Variants in MAF observed in about 807,000 individuals in gnomAD.
The protein encoded by MAF is MAF bZIP transcription factor, also known as transcription factor Maf.
A neutral mutation model predicts 22.0 loss-of-function variants in MAF; 10 were observed. The ratio of observed to expected loss-of-function variants is 0.45; its 90% CI spans 0.28 to 0.77. MAF has a LOEUF of 0.77. Ranked by LOEUF, MAF falls within the 30% of genes least tolerant of loss-of-function variation. The pLI, the probability that MAF is intolerant of heterozygous loss-of-function variation, is 0.12. For missense variants in MAF, 544 were observed against 548.4 expected, an observed-to-expected ratio of 0.99 and a Z score of 0.08; for synonymous variants, 337 against 255.8, an observed-to-expected ratio of 1.32 and a Z score of -3.03.
the MAF span, chr16:79,211,793 C>G: frequency 2.5e-6 from 4 of 1,614,042 alleles, no homozygotes; most frequent in Non-Finnish European, 2.5e-6. Context: ...GCCAGTCCGG[C>G]TAAGTGGAGC....
chr16:79,559,775 T>G, the MAF span, among the ~76,000 whole-genome samples: 1 of 152,222 alleles, frequency 6.6e-6, no homozygotes, highest in Non-Finnish European at 1.5e-5. Flanking sequence ...CTCCTCTTGA[T>G]TCTATCAATT....
the MAF span, among the ~76,000 whole-genome samples, chr16:79,411,710 T>C: frequency 2.0e-4 from 31 of 152,350 alleles, no homozygotes; most frequent in African/African-American, 6.3e-4. Flanking sequence ...TGTGCAACTT[T>C]CTAGACACAC....
the MAF span, among the ~76,000 whole-genome samples, chr16:79,266,506 C>G: frequency 6.6e-6 from 1 of 152,124 alleles, no homozygotes; most frequent in East Asian, 1.9e-4. Context: ...AGTTGATAAC[C>G]AAGAAAAAAA....
At chr16:79,448,815 G>C in the MAF span, among the ~76,000 whole-genome samples, 1 of 151,758 alleles carries the variant, frequency 6.6e-6, no homozygotes, top group Non-Finnish European at 1.5e-5. Flanking sequence ...GTATAAACCA[G>C]CATTCCCCAA....
At chr16:79,596,096 A>C in intron 1 of MAF, 1 of 1,062,498 alleles carries the variant, frequency 9.4e-7, no homozygotes, top group Non-Finnish European at 1.1e-6. Context: ...TGCGCAAGCC[A>C]CCTCTGATGC....
chr16:79,588,048 CA>C (rs1912961690), intron 1 of MAF, among the ~76,000 whole-genome samples: 1 of 152,184 alleles, frequency 6.6e-6, no homozygotes, highest in Non-Finnish European at 1.5e-5. Flanking sequence ...TAATCTAAGC[CA>C]CATGTCTACG....
At chr16:79,420,462 T>C in the MAF span, among the ~76,000 whole-genome samples, 1 of 152,102 alleles carries the variant, frequency 6.6e-6, no homozygotes, top group East Asian at 1.9e-4. Context: ...TTTATAAGAG[T>C]ATTTTTATTT....
At chr16:79,249,437 AG>A in the MAF span, among the ~76,000 whole-genome samples, 1 of 140,120 alleles carries the variant, frequency 7.1e-6, no homozygotes, top group Non-Finnish European at 1.6e-5. Context: ...AAAAAAAAAA[AG>A]GAGGTTGAAG....
the MAF span, among the ~76,000 whole-genome samples, chr16:79,455,832 A>G: frequency 6.6e-6 from 1 of 152,154 alleles, no homozygotes; most frequent in African/African-American, 2.4e-5. Context: ...AGCCTGGCCA[A>G]CACGGTGAAA....
the MAF span, among the ~76,000 whole-genome samples, chr16:79,339,571 A>C: frequency 6.6e-6 from 1 of 152,172 alleles, no homozygotes; most frequent in African/African-American, 2.4e-5. Context: ...AAGCCGCTAA[A>C]ATTTTGAGGT....
At chr16:79,405,719 G>C in the MAF span, among the ~76,000 whole-genome samples, 5 of 152,318 alleles carry the variant, frequency 3.3e-5, no homozygotes, top group East Asian at 9.7e-4. Context: ...CCATCCTTTA[G>C]ATTATCAATG....
chr16:79,510,945 A>G, the MAF span, among the ~76,000 whole-genome samples: 1 of 152,204 alleles, frequency 6.6e-6, no homozygotes, highest in South Asian at 2.1e-4. Flanking sequence ...AGATGCTTCT[A>G]TCAGCACTGG....
the MAF span, among the ~76,000 whole-genome samples, chr16:79,292,689 A>G: frequency 1.3e-5 from 2 of 152,160 alleles, no homozygotes; most frequent in African/African-American, 4.8e-5. Flanking sequence ...AAGTCACAGG[A>G]TGAGATACAA....
the MAF span, among the ~76,000 whole-genome samples, chr16:79,423,999 A>G: frequency 6.6e-6 from 1 of 152,220 alleles, no homozygotes; most frequent in Non-Finnish European, 1.5e-5. Context: ...ACACAATAAT[A>G]AATGAAAACA....
chr16:79,230,188 T>C, the MAF span, among the ~76,000 whole-genome samples: 1 of 152,100 alleles, frequency 6.6e-6, no homozygotes, highest in South Asian at 2.1e-4. Flanking sequence ...TTTCTGGAGT[T>C]GAATTGCACA....
chr16:79,208,244 T>G, the MAF span, among the ~76,000 whole-genome samples: 2 of 152,208 alleles, frequency 1.3e-5, no homozygotes, highest in African/African-American at 4.8e-5. Context: ...AAGATTCTTC[T>G]GGGCTTCCCA....
chr16:79,558,225 T>C, the MAF span, among the ~76,000 whole-genome samples: 1 of 151,644 alleles, frequency 6.6e-6, no homozygotes, highest in South Asian at 2.1e-4. Flanking sequence ...GAAAGAGAAA[T>C]GTGTGCATTT....
At chr16:79,226,594 G>C in the MAF span, among the ~76,000 whole-genome samples, 2 of 151,952 alleles carry the variant, frequency 1.3e-5, no homozygotes, top group Non-Finnish European at 1.5e-5. Context: ...AGTTGGTAGG[G>C]TATGATCCCA....
the MAF span, among the ~76,000 whole-genome samples, chr16:79,412,185 A>G: frequency 0.1 from 15,919 of 152,276 alleles, 940 homozygotes; most frequent in South Asian, 0.26. Flanking sequence ...TGCAAGTACA[A>G]TATGGCAAAG....
Sources: gnomAD v4.1 joint callset for allele counts (sites outside exome capture counted in the v4.1 genomes callset) on GRCh38, gnomAD v4.1.1 for gene constraint, MANE v1.5 for transcripts, NCBI Gene and HGNC (gene_info 2026-07-23, HGNC 2026-07-21) for gene names.